The following RBPJ variants were observed in gnomAD, a reference collection of about 807,000 sequenced individuals.
The protein encoded by RBPJ is recombination signal binding protein for immunoglobulin kappa J region, also known as recombining binding protein suppressor of hairless.
A neutral mutation model predicts 67.8 loss-of-function variants in RBPJ; 9 were observed. The ratio of observed to expected loss-of-function variants is 0.13; its 90% CI spans 0.08 to 0.23. The LOEUF is 0.23. Ranked by LOEUF, RBPJ falls within the 10% of genes least tolerant of loss-of-function variation. RBPJ has a pLI of 1.00. For missense variants in RBPJ, 305 were observed against 595.6 expected, an observed-to-expected ratio of 0.51 and a Z score of 5.08; for synonymous variants, 198 against 203.3, an observed-to-expected ratio of 0.97 and a Z score of 0.22.
At chr4:26,324,508 C>T (rs1723420056) in intron 1 of RBPJ, among the ~76,000 whole-genome samples, 1 of 151,758 alleles carries the variant, frequency 6.6e-6, no homozygotes, top group South Asian at 2.1e-4. Flanking sequence ...TTGTTTTCTG[C>T]ATGTAGCAAT....
intron 1 of RBPJ, among the ~76,000 whole-genome samples, chr4:26,286,685 T>G (rs1235833703): frequency 2.6e-5 from 4 of 152,100 alleles, no homozygotes; most frequent in Non-Finnish European, 5.9e-5. Flanking sequence ...ATACAGCATC[T>G]TACAAACAGC....
chr4:26,268,341 G>A (rs1720773691), intron 1 of RBPJ, among the ~76,000 whole-genome samples: 1 of 151,978 alleles, frequency 6.6e-6, no homozygotes, highest in Admixed American at 6.6e-5. Context: ...ATTGGAAATT[G>A]GGCTGTTTTT....
chr4:26,274,985 A>G (rs923658619), intron 1 of RBPJ, among the ~76,000 whole-genome samples: 1 of 152,156 alleles, frequency 6.6e-6, no homozygotes, highest in Admixed American at 6.5e-5. Flanking sequence ...AAAGGAAAAA[A>G]GTTTCTAAAG....
At chr4:26,141,556 G>C in the RBPJ span, among the ~76,000 whole-genome samples, 2 of 152,212 alleles carry the variant, frequency 1.3e-5, no homozygotes, top group South Asian at 4.1e-4. Flanking sequence ...GGGATACAGA[G>C]TGACATTTCA....
At chr4:26,277,771 C>T (rs1172667217) in intron 1 of RBPJ, among the ~76,000 whole-genome samples, 1 of 152,222 alleles carries the variant, frequency 6.6e-6, no homozygotes, top group Admixed American at 6.5e-5. Context: ...GAAATGCTCT[C>T]CTGACCCTCT....
At chr4:26,329,849 A>G (rs7694869) in intron 1 of RBPJ, among the ~76,000 whole-genome samples, 98,809 of 150,578 alleles carry the variant, frequency 0.66, 32,661 homozygotes, top group African/African-American at 0.73. Flanking sequence ...AGCCGAGATC[A>G]CGCCACTGCA....
intron 1 of RBPJ, among the ~76,000 whole-genome samples, chr4:26,191,202 T>TAGAGAG (rs1553847212): frequency 1.5e-3 from 48 of 32,172 alleles, no homozygotes; most frequent in East Asian, 4.5e-3. Context: ...TATATATATA[T>TAGAGAG]ATATATATAG....
chr4:26,131,061 C>G, the RBPJ span, among the ~76,000 whole-genome samples: 1 of 152,228 alleles, frequency 6.6e-6, no homozygotes. Context: ...TTTCTGCCAT[C>G]CAAGCTACGG....
intron 1 of RBPJ, among the ~76,000 whole-genome samples, chr4:26,330,704 T>C (rs1185584366): frequency 6.6e-6 from 1 of 152,202 alleles, no homozygotes; most frequent in Non-Finnish European, 1.5e-5. Context: ...ATTTTAGGCA[T>C]TGTTTTTTGT....
chr4:26,391,125 A>G (rs957673420), intron 2 of RBPJ, among the ~76,000 whole-genome samples: 25 of 152,368 alleles, frequency 1.6e-4, no homozygotes, highest in African/African-American at 5.8e-4. Context: ...ACACAATCAC[A>G]GTCAAAATCT....
chr4:26,215,403 G>T (rs1011436781), intron 1 of RBPJ, among the ~76,000 whole-genome samples: 1 of 16,792 alleles, frequency 6.0e-5, no homozygotes, highest in Non-Finnish European at 1.3e-4. Context: ...GGAAGGAAGG[G>T]GGGGGAAGGA....
chr4:26,205,948 A>T (rs1718154598), intron 1 of RBPJ, among the ~76,000 whole-genome samples: 1 of 151,948 alleles, frequency 6.6e-6, no homozygotes, highest in African/African-American at 2.4e-5. Flanking sequence ...GTTACAAAGA[A>T]TAAGTAATCC....
intron 1 of RBPJ, among the ~76,000 whole-genome samples, chr4:26,334,066 A>T: frequency 1.4e-5 from 2 of 146,084 alleles, no homozygotes; most frequent in African/African-American, 2.6e-5. Flanking sequence ...TTTTTGATGG[A>T]GTCTCGCTCC....
chr4:26,428,980 A>G, intron 8 of RBPJ, 120 bp downstream of exon 8: 1 of 707,976 alleles, frequency 1.4e-6, no homozygotes, highest in Non-Finnish European at 2.4e-6. Flanking sequence ...CTATACACAG[A>G]TATTTATCTC....
chr4:26,199,622 G>A (rs984264658), intron 1 of RBPJ, among the ~76,000 whole-genome samples: 2 of 152,136 alleles, frequency 1.3e-5, no homozygotes, highest in Non-Finnish European at 2.9e-5. Flanking sequence ...GAGCTTTACC[G>A]TTCAGATCTG....
Position 26,202,573 on chromosome 4 carries a change from A to G in RBPJ, c.-167+38959A>G, listed in dbSNP as rs141267476. Among the ~76,000 whole-genome samples, 1,429 of 151,134 alleles carry G rather than the reference A, an allele frequency of 9.5e-3. 9 individuals are homozygous for G. Among genetic ancestry groups the G allele is most frequent in the Middle Eastern group, 0.017 (5 of 292 alleles). On this transcript the variant is annotated intron_variant, in intron 1 of 4. Transcript: ENST00000512351. ...TCAATTCTCTCTTTTTAAAAATCCC[A>G]CATTCAATCCACAGCAAATCTGGTT...
chr4:26,289,402 A>G (rs958404277), intron 1 of RBPJ, among the ~76,000 whole-genome samples: 25 of 145,260 alleles, frequency 1.7e-4, no homozygotes, highest in African/African-American at 2.4e-4. Flanking sequence ...AAAAAAAAAA[A>G]AAAAAGAAAA....
At chr4:26,244,282 T>TATATGTATACAC (rs1719795001) in intron 1 of RBPJ, among the ~76,000 whole-genome samples, 1 of 140,010 alleles carries the variant, frequency 7.1e-6, no homozygotes, top group Non-Finnish European at 1.5e-5. Context: ...TATATGTGTG[T>TATATGTATACAC]ATATGTATAC....
At chr4:26,402,383 A>T (rs1218155296) in intron 2 of RBPJ, among the ~76,000 whole-genome samples, 2 of 152,166 alleles carry the variant, frequency 1.3e-5, no homozygotes, top group African/African-American at 2.4e-5. Flanking sequence ...TGGTCCTTTG[A>T]TACCAATCTT....
Sources: gnomAD v4.1 joint callset for allele counts (sites outside exome capture counted in the v4.1 genomes callset) on GRCh38, gnomAD v4.1.1 for gene constraint, MANE v1.5 for transcripts, NCBI Gene and HGNC (gene_info 2026-07-23, HGNC 2026-07-21) for gene names.